The following PTPRN2 variants were observed in gnomAD, a reference collection of about 807,000 sequenced individuals.
PTPRN2 encodes receptor-type tyrosine-protein phosphatase N2.
Under a neutral mutation model 118.8 loss-of-function variants are expected in PTPRN2, and 74 were observed. The observed-to-expected ratio is 0.62, with a 90% CI of 0.52 to 0.76. PTPRN2 has a LOEUF of 0.76. Ranked by LOEUF, PTPRN2 falls within the 30% of genes least tolerant of loss-of-function variation. PTPRN2 has a pLI of 0.00. For synonymous variants in PTPRN2, 641 were observed against 608.0 expected (o/e 1.05, Z -0.80); for missense variants, 1,481 against 1,394.4 (o/e 1.06, Z -0.99).
rs1161399015 is a variant in PTPRN2 at position 158,565,914 on chromosome 7, A to T, written c.112+21644T>A. Reference sequence around the variant, plus strand: ...GGTCACCTGACACTAAGCCCACAACACTGTCCTCTAAATATTTAGGACACC... The same window carrying T: ...GGTCACCTGACACTAAGCCCACAACTCTGTCCTCTAAATATTTAGGACACC... On this transcript the variant is annotated intron_variant, in intron 1 of 22. Coordinates refer to ENST00000389418, the MANE Select transcript of PTPRN2 (RefSeq NM_002847.5). This position sits in a 1 kb window ranked among gnomAD's most constrained non-coding sequence, Gnocchi z 4.6. Among the ~76,000 whole-genome samples the T allele has an allele frequency of 6.6e-6, 1 of 152,100 alleles. No homozygotes were observed. The highest frequency in any genetic ancestry group is 1.5e-5 in the Non-Finnish European group (1 of 68,024).
chr7:157,759,885 C>T (rs1425200531), intron 12 of PTPRN2, among the ~76,000 whole-genome samples: 1 of 152,124 alleles, frequency 6.6e-6, no homozygotes, highest in African/African-American at 2.4e-5. Context: ...CTGGATGGAA[C>T]ACAAGTCCAG....
intron 2 of PTPRN2, among the ~76,000 whole-genome samples, chr7:158,414,383 C>T (rs1814471365): frequency 6.6e-6 from 1 of 152,108 alleles, no homozygotes; most frequent in African/African-American, 2.4e-5. Flanking sequence ...AGGAGGGTGC[C>T]CGGGCGGTTA....
At chr7:157,836,502 T>G (rs918344159) in intron 12 of PTPRN2, among the ~76,000 whole-genome samples, 3 of 152,070 alleles carry the variant, frequency 2.0e-5, no homozygotes, top group Non-Finnish European at 2.9e-5. Context: ...CAATAGCACA[T>G]GGGTTGAAGA....
rs1354413114 is a variant in PTPRN2, at chr7:157,627,853, C to T, written c.2197-6344G>A. ...TAGATCCCAGAGCACACGACATCCA[C>T]ACCACAGCAGCTGAAGATGTGGCTG... is the stretch of plus-strand genomic sequence containing the variant. On this transcript the variant is annotated intron_variant, in intron 14 of 22. Transcript: ENST00000389418. This position sits in a 1 kb window ranked among gnomAD's most constrained non-coding sequence, Gnocchi z 4.2. Among the ~76,000 whole-genome samples, 3 of 152,212 alleles carry T rather than the reference C, an allele frequency of 2.0e-5. No homozygotes were observed. Among genetic ancestry groups the T allele is most frequent in the Admixed American group, 6.5e-5 (1 of 15,288 alleles).
intron 12 of PTPRN2, among the ~76,000 whole-genome samples, chr7:157,796,505 G>T (rs184655193): frequency 2.0e-5 from 3 of 152,234 alleles, no homozygotes; most frequent in Non-Finnish European, 4.4e-5. Flanking sequence ...TGGGAAAGGC[G>T]CAGAGAAGAG....
chr7:158,489,235 C>T (rs1260710644), intron 2 of PTPRN2, among the ~76,000 whole-genome samples: 2 of 152,186 alleles, frequency 1.3e-5, no homozygotes, highest in African/African-American at 4.8e-5. Context: ...CACCTGAAGT[C>T]AGGAGTTCGA....
chr7:157,927,644 G>A (rs1053592662), intron 11 of PTPRN2, among the ~76,000 whole-genome samples: 10 of 152,092 alleles, frequency 6.6e-5, no homozygotes, highest in South Asian at 2.1e-4. Context: ...CCAGGGACCC[G>A]TCTGAGAGCA....
intron 2 of PTPRN2, among the ~76,000 whole-genome samples, chr7:158,464,411 G>A (rs375928219): frequency 2.3e-4 from 16 of 68,404 alleles, no homozygotes; most frequent in African/African-American, 3.7e-4. Context: ...CCTTACCATC[G>A]CCATCATTGC....
At chr7:157,769,895 A>G (rs1802698677) in intron 12 of PTPRN2, among the ~76,000 whole-genome samples, 1 of 152,094 alleles carries the variant, frequency 6.6e-6, no homozygotes, top group Non-Finnish European at 1.5e-5. Flanking sequence ...TATTCTTCCC[A>G]AGACCCGGCA....
chr7:158,068,201 G>A (rs1330264650), intron 11 of PTPRN2, among the ~76,000 whole-genome samples: 2 of 152,244 alleles, frequency 1.3e-5, no homozygotes, highest in Non-Finnish European at 2.9e-5. Flanking sequence ...TCATCCCTCA[G>A]TGTCCCTGTC....
chr7:157,974,623 G>A lies in PTPRN2; in HGVS notation c.1724-75886C>T, dbSNP rs1802597147. On this transcript the variant is annotated intron_variant, in intron 11 of 22. Coordinates refer to ENST00000389418, the MANE Select transcript of PTPRN2 (RefSeq NM_002847.5). The surrounding 1 kb of genome is among the most constrained non-coding windows in gnomAD (Gnocchi z 4.0). The stretch of plus-strand genomic sequence containing the variant: ...CCTCAGACCTCAGCGGGTGATGGCA[G>A]TGGGAGCCTGGGCAGGGGCGGGCAG... Among the ~76,000 whole-genome samples, 1 of 151,874 alleles carries A rather than the reference G, an allele frequency of 6.6e-6. No individual in the cohort carries two copies. The highest frequency in any genetic ancestry group is 2.4e-5 in the African/African-American group (1 of 41,304).
chr7:158,143,137 G>T (rs181798721), intron 6 of PTPRN2, among the ~76,000 whole-genome samples: 1 of 152,078 alleles, frequency 6.6e-6, no homozygotes, highest in African/African-American at 2.4e-5. Flanking sequence ...GCTCGTCCAC[G>T]TCCACAGGTC....
Position 157,711,530 on chromosome 7 carries a change from G to A in PTPRN2, c.1789-28593C>T, listed in dbSNP as rs998299354. ...GTCCTGGCCCTTCACCACGTGGGAG[G>A]CTGTCCTGGGACCTGAGGACTCCGC... On this transcript the variant is annotated intron_variant, in intron 12 of 22. Coordinates refer to ENST00000389418, the MANE Select transcript of PTPRN2 (RefSeq NM_002847.5). Among the ~76,000 whole-genome samples the A allele has an allele frequency of 2.6e-5, 4 of 152,328 alleles. No homozygotes were observed. In the East Asian group the frequency reaches 7.7e-4, roughly 29 times the overall value.
intron 3 of PTPRN2, among the ~76,000 whole-genome samples, chr7:158,217,146 C>A (rs1437097735): frequency 2.0e-5 from 3 of 152,182 alleles, no homozygotes; most frequent in Non-Finnish European, 4.4e-5. Flanking sequence ...GGCCCCCACC[C>A]ACCCTGCCAG....
intron 22 of PTPRN2, among the ~76,000 whole-genome samples, chr7:157,546,773 G>A (rs1021259266): frequency 3.9e-5 from 6 of 152,208 alleles, no homozygotes; most frequent in African/African-American, 1.2e-4. Flanking sequence ...GATTGTGACT[G>A]TGGCTTCCTC....
chr7:157,665,429 T>C (rs1303500571), intron 13 of PTPRN2, among the ~76,000 whole-genome samples: 1 of 152,196 alleles, frequency 6.6e-6, no homozygotes, highest in Non-Finnish European at 1.5e-5. Context: ...ATTGTAGATT[T>C]AGCTGCGATG....
intron 1 of PTPRN2, among the ~76,000 whole-genome samples, chr7:158,571,427 G>C (rs766800419): frequency 6.7e-6 from 1 of 149,614 alleles, no homozygotes; most frequent in Non-Finnish European, 1.5e-5. Flanking sequence ...GCAGTGAGCT[G>C]AGATTGCACC....
At chr7:158,117,099 C>T (rs1237573713) in intron 9 of PTPRN2, among the ~76,000 whole-genome samples, 1 of 152,112 alleles carries the variant, frequency 6.6e-6, no homozygotes. Flanking sequence ...TAAAAAAAGA[C>T]CTGATGGCAG....
At chr7:158,273,402 G>T (rs1379851870) in intron 3 of PTPRN2, among the ~76,000 whole-genome samples, 1 of 144,108 alleles carries the variant, frequency 6.9e-6, no homozygotes, top group Non-Finnish European at 1.5e-5. Flanking sequence ...GCAGACACGG[G>T]AGGAGCCGCA....
Sources: allele counts gnomAD v4.1 joint callset (sites outside exome capture counted in the v4.1 genomes callset), GRCh38; gene constraint gnomAD v4.1.1; non-coding constraint Gnocchi (gnomAD v3.1); transcripts MANE v1.5; gene names NCBI Gene and HGNC (gene_info 2026-07-23, HGNC 2026-07-21).